The following MYO5A variants were observed in gnomAD, a reference collection of about 807,000 sequenced individuals.
MYO5A encodes the protein unconventional myosin-Va.
In MYO5A, 98 loss-of-function variants were observed where a neutral mutation model predicts 249.7. That is an observed-to-expected ratio of 0.39 (90% CI 0.33 to 0.46). The LOEUF is 0.46. Ranked by LOEUF, MYO5A falls within the 20% of genes least tolerant of loss-of-function variation. The pLI is 0.98. For missense variants in MYO5A, 1,696 were observed against 2,308.8 expected, an observed-to-expected ratio of 0.73 and a Z score of 5.44; for synonymous variants, 778 against 810.6, an observed-to-expected ratio of 0.96 and a Z score of 0.68.
intron 1 of MYO5A, among the ~76,000 whole-genome samples, chr15:52,437,338 T>C (rs1469184516): frequency 6.6e-6 from 1 of 152,194 alleles, no homozygotes; most frequent in Non-Finnish European, 1.5e-5. Context: ...CTCATGCCTG[T>C]AATCCCAGCT....
At chr15:52,515,768 C>T (rs2141637487) in intron 1 of MYO5A, among the ~76,000 whole-genome samples, 1 of 152,224 alleles carries the variant, frequency 6.6e-6, no homozygotes, top group African/African-American at 2.4e-5. Context: ...AGGCTGGAAA[C>T]AGGTTTGGAA....
chr15:52,440,370 C>T (rs11856242), intron 1 of MYO5A, among the ~76,000 whole-genome samples: 22,808 of 151,910 alleles, frequency 0.15, 1,818 homozygotes, highest in Middle Eastern at 0.22. Context: ...CAGGTTCAAG[C>T]GATTCTCCTG....
At chr15:52,424,696 T>A (rs17651397) in intron 4 of MYO5A, among the ~76,000 whole-genome samples, 22,880 of 152,236 alleles carry the variant, frequency 0.15, 1,834 homozygotes, top group Middle Eastern at 0.22. Flanking sequence ...TTCCACCTTA[T>A]AAATTACTCG....
At chr15:52,388,335 G>A (rs2042058071) in intron 13 of MYO5A, among the ~76,000 whole-genome samples, 3 of 152,168 alleles carry the variant, frequency 2.0e-5, no homozygotes, top group Non-Finnish European at 4.4e-5. Context: ...TGTCTGATGG[G>A]GACAGAGGTG....
intron 34 of MYO5A, among the ~76,000 whole-genome samples, chr15:52,330,972 C>G (rs1450356388): frequency 1.3e-5 from 2 of 152,126 alleles, no homozygotes; most frequent in Non-Finnish European, 2.9e-5. Flanking sequence ...CCATTAAAAG[C>G]AAAAGAACAT....
chr15:52,435,265 CTTTTTTTTTT>C (rs35456308), intron 1 of MYO5A, among the ~76,000 whole-genome samples: 1 of 113,720 alleles, frequency 8.8e-6, no homozygotes, highest in Non-Finnish European at 1.7e-5. Flanking sequence ...ACGTTAACCT[CTTTTTTTTTT>C]TTTTTTTTTT....
chr15:52,514,287 T>G (rs540606286), intron 1 of MYO5A, among the ~76,000 whole-genome samples: 37 of 152,310 alleles, frequency 2.4e-4, no homozygotes, highest in African/African-American at 8.7e-4. Flanking sequence ...GGTATATGAA[T>G]TACAGCTCAA....
intron 34 of MYO5A, among the ~76,000 whole-genome samples, chr15:52,335,747 C>T (rs565086126): frequency 8.6e-5 from 13 of 151,992 alleles, no homozygotes; most frequent in African/African-American, 3.1e-4. Context: ...ATTTCTTTAT[C>T]ATCATAATTC....
chr15:52,373,492 TAATC>T (rs1318219432), intron 20 of MYO5A, among the ~76,000 whole-genome samples: 1 of 152,056 alleles, frequency 6.6e-6, no homozygotes. Context: ...TGAGAGAAAT[TAATC>T]AACACCTGTA....
At chr15:52,523,622 T>G (rs1438231382) in intron 1 of MYO5A, among the ~76,000 whole-genome samples, 1 of 152,120 alleles carries the variant, frequency 6.6e-6, no homozygotes, top group Non-Finnish European at 1.5e-5. Flanking sequence ...AAAAGAGTAC[T>G]AGTGGGAGTT....
chr15:52,430,103 A>T (rs2141295814), intron 2 of MYO5A, among the ~76,000 whole-genome samples: 1 of 152,378 alleles, frequency 6.6e-6, no homozygotes, highest in Non-Finnish European at 1.5e-5. Flanking sequence ...CAAATATTCA[A>T]ATCATATTTG....
At position 52,387,926 on chromosome 15, in the gene MYO5A, G is replaced by C; in HGVS notation, c.1669-14C>G. The C allele has an allele frequency of 6.3e-7, 1 of 1,576,002 alleles. No individual in the cohort carries two copies. Among genetic ancestry groups the C allele is most frequent in the African/African-American group, 1.3e-5 (1 of 74,092 alleles). On this transcript the variant is annotated splice_polypyrimidine_tract_variant and intron_variant, in intron 13 of 41. Coordinates refer to ENST00000399233, the MANE Select transcript of MYO5A (RefSeq NM_001382347.1). ...CTGGTATTCCACCTGAAAACACATG[G>C]AAAAATCTCCTTAACTGATAAAACT...
chr15:52,501,141 T>C (rs2077149828), intron 1 of MYO5A, among the ~76,000 whole-genome samples: 1 of 152,058 alleles, frequency 6.6e-6, no homozygotes, highest in African/African-American at 2.4e-5. Flanking sequence ...GGCTAATTTT[T>C]TTTGTATTTT....
intron 1 of MYO5A, among the ~76,000 whole-genome samples, chr15:52,460,889 T>C (rs1294401599): frequency 6.6e-6 from 1 of 152,132 alleles, no homozygotes; most frequent in East Asian, 1.9e-4. Flanking sequence ...ATAAAATATA[T>C]GTGAGTAGAA....
chr15:52,496,553 T>C (rs2646030), intron 1 of MYO5A, among the ~76,000 whole-genome samples: 142,017 of 152,228 alleles, frequency 0.93, 67,055 homozygotes, highest in East Asian at 1. Flanking sequence ...AGAGTATTCA[T>C]TAAGGAAGAA....
At chr15:52,517,905 CCTTAT>C (rs1056637655) in intron 1 of MYO5A, among the ~76,000 whole-genome samples, 4 of 151,298 alleles carry the variant, frequency 2.6e-5, no homozygotes, top group Non-Finnish European at 5.9e-5. Context: ...AACTTTCTTC[CCTTAT>C]ATGTTCTGTA....
intron 1 of MYO5A, among the ~76,000 whole-genome samples, chr15:52,450,415 C>T (rs559956334): frequency 6.6e-6 from 1 of 151,846 alleles, no homozygotes; most frequent in East Asian, 1.9e-4. Flanking sequence ...GCCTGTAATC[C>T]CAGCACTTTA....
rs767064853 is a variant in MYO5A at position 52,410,455 on chromosome 15, T to A, written c.634A>T (p.Thr212Ser). 1 of 1,613,666 alleles carries A rather than the reference T, an allele frequency of 6.2e-7. No homozygotes were observed. The highest frequency in any genetic ancestry group is 1.1e-5 in the South Asian group (1 of 91,066). Residue 212 changes from threonine to serine, a missense_variant, in exon 6 of 42, where the codon ACC (threonine) becomes TCC (serine). By Grantham distance (58) the Thr-to-Ser change is moderately conservative (BLOSUM62 1). Coordinates refer to ENST00000399233, the MANE Select transcript of MYO5A (RefSeq NM_001382347.1). The stretch of plus-strand genomic sequence containing the variant: ...AAACGGCTGCTATTATCATTCCTGG[T>A]TGTTTTAGCATTTCCAATGGACTAA... ...IMESIGNAKT[T>S]RNDNSSRFGK...
chr15:52,446,201 C>T (rs2075886888), intron 1 of MYO5A, among the ~76,000 whole-genome samples: 1 of 152,236 alleles, frequency 6.6e-6, no homozygotes, highest in Non-Finnish European at 1.5e-5. Context: ...TGTAGAGGGC[C>T]AGGCCTAGGG....
Sources: gnomAD v4.1 joint callset for allele counts (sites outside exome capture counted in the v4.1 genomes callset) on GRCh38, gnomAD v4.1.1 for gene constraint, MANE v1.5 for transcripts, NCBI Gene and HGNC (gene_info 2026-07-23, HGNC 2026-07-21) for gene names.